LSM6: variants seen among roughly 807,000 people sequenced by gnomAD.
LSM6 encodes the protein U6 snRNA-associated Sm-like protein LSm6.
Under a neutral mutation model 13.5 loss-of-function variants are expected in LSM6, and 2 were observed. The ratio of observed to expected loss-of-function variants is 0.15; its 90% CI spans 0.06 to 0.47. The LOEUF (loss-of-function observed/expected upper bound fraction) is 0.47. Among genes scored for constraint, LSM6 ranks in the 20% least tolerant of loss-of-function variants. The pLI is 0.97. For synonymous variants in LSM6, 43 were observed against 34.9 expected (o/e 1.23, Z -0.82); for missense variants, 58 against 96.4 (o/e 0.60, Z 1.67).
intron 1 of LSM6, among the ~76,000 whole-genome samples, chr4:146,179,816 C>G (rs1730192094): frequency 6.6e-6 from 1 of 152,218 alleles, no homozygotes; most frequent in Non-Finnish European, 1.5e-5. Context: ...CTGCTTAAAA[C>G]CCCTGTTTCC....
At chr4:146,188,075 ATG>A (rs1327479568) in intron 3 of LSM6, among the ~76,000 whole-genome samples, 2 of 152,122 alleles carry the variant, frequency 1.3e-5, no homozygotes, top group Non-Finnish European at 2.9e-5. Context: ...TTAATTCTGG[ATG>A]TCTTCAACCC....
rs959621263 is a variant in LSM6, at chr4:146,191,067, G to A, written c.*1411G>A. 1 of 152,176 alleles carries A rather than the reference G, an allele frequency of 6.6e-6. No homozygotes were observed. The highest frequency in any genetic ancestry group is 2.4e-5 in the African/African-American group (1 of 41,436). 9.4% of individuals were successfully genotyped at this position (152,176 alleles called of 1,614,324 possible). A position where few individuals can be genotyped will look rare whatever the true frequency, so the allele number is the denominator to read the frequency against. On this transcript the variant is annotated 3_prime_UTR_variant, in exon 4 of 4. Transcript: ENST00000296581. The stretch of plus-strand genomic sequence containing the variant: ...AGCATTTCACAGGGTTTTACCGTGT[G>A]CACACTGAAAATAAAACACTTTATG...
At position 146,175,820 on chromosome 4, in the gene LSM6, C is replaced by T. The variant is rs1730090116; in HGVS notation, c.-11+9C>T. On this transcript the variant is annotated intron_variant, in intron 1 of 3. Transcript: ENST00000296581. Reference sequence around the variant, plus strand: ...TGGTTCCCGCCGGCGAGGTGAGCCGCACCGCTGCGCGGGCCGACGACGGGG... The same window carrying T: ...TGGTTCCCGCCGGCGAGGTGAGCCGTACCGCTGCGCGGGCCGACGACGGGG... 6.6e-6 allele frequency: 1 copy of T among 152,202 alleles called. No individual in the cohort carries two copies. The highest frequency in any genetic ancestry group is 1.5e-5 in the Non-Finnish European group (1 of 67,998). The allele number at this position is 152,202 out of a possible 1,614,324, so 9.4% of individuals were successfully genotyped here. A position where few individuals can be genotyped will look rare whatever the true frequency, so the allele number is the denominator to read the frequency against.
intron 1 of LSM6, among the ~76,000 whole-genome samples, chr4:146,180,163 G>T (rs557040366): frequency 1.3e-5 from 2 of 152,316 alleles, no homozygotes; most frequent in Non-Finnish European, 2.9e-5. Flanking sequence ...GATCTGCCAA[G>T]CCTGGGGTAA....
intron 1 of LSM6, among the ~76,000 whole-genome samples, chr4:146,177,305 A>G (rs1730133508): frequency 6.6e-6 from 1 of 152,192 alleles, no homozygotes; most frequent in African/African-American, 2.4e-5. Flanking sequence ...ACTAGAATTT[A>G]AAAATTTGTT....
chr4:146,189,355 A>G (rs1229206547), intron 3 of LSM6, among the ~76,000 whole-genome samples: 5 of 152,186 alleles, frequency 3.3e-5, no homozygotes, highest in Non-Finnish European at 7.4e-5. Flanking sequence ...GGACTTTCAC[A>G]TATATTTTAT....
chr4:146,180,403 G>T (rs1302704330), intron 1 of LSM6, among the ~76,000 whole-genome samples: 2 of 152,194 alleles, frequency 1.3e-5, no homozygotes, highest in Non-Finnish European at 2.9e-5. Context: ...TTGGAATACA[G>T]ATAAAGCATA....
At chr4:146,183,803 C>T (rs552620014) in intron 2 of LSM6, among the ~76,000 whole-genome samples, 11 of 150,256 alleles carry the variant, frequency 7.3e-5, no homozygotes, top group African/African-American at 2.4e-4. Context: ...TACATAGATA[C>T]GTTCTTTAGT....
In LSM6 at chr4:146,190,649, T is replaced by C. The variant is rs979364907; in HGVS notation, c.*993T>C. ...TGGCACAAGGCAGCTCCTCTGGTTA[T>C]GTGACTCCTGCTGAGAGGATTTTCA... On this transcript the variant is annotated 3_prime_UTR_variant, in exon 4 of 4. Transcript: ENST00000296581. The C allele has an allele frequency of 6.6e-6, 1 of 152,274 alleles. No individual in the cohort carries two copies. Among genetic ancestry groups the C allele is most frequent in the African/African-American group, 2.4e-5 (1 of 41,468 alleles). 9.4% of individuals were successfully genotyped at this position (152,274 alleles called of 1,614,324 possible). A position where few individuals can be genotyped will look rare whatever the true frequency, so the allele number is the denominator to read the frequency against.
chr4:146,179,411 A>G (rs997103454), intron 1 of LSM6, among the ~76,000 whole-genome samples: 1 of 152,230 alleles, frequency 6.6e-6, no homozygotes, highest in African/African-American at 2.4e-5. Context: ...ACTCATACAA[A>G]ATGGATTTAT....
chr4:146,185,269 T>C (rs569835018), intron 2 of LSM6, among the ~76,000 whole-genome samples: 3 of 152,186 alleles, frequency 2.0e-5, no homozygotes, highest in African/African-American at 7.2e-5. Context: ...CTTTTTTTCA[T>C]CTTTTCCAAT....
chr4:146,185,662 C>CTTGT lies in LSM6; in HGVS notation c.95-1593_95-1590dup, dbSNP rs140691955. 4.0e-3 allele frequency among the ~76,000 whole-genome samples: 599 copies of CTTGT among 151,074 alleles called. 6 individuals carry two copies. The highest frequency in any genetic ancestry group is 0.013 in the African/African-American group (543 of 41,186). On this transcript the variant is annotated intron_variant, in intron 2 of 3. Coordinates refer to ENST00000296581, the MANE Select transcript of LSM6 (RefSeq NM_007080.3). ...GGCAGTTTTTTTGTTGTTGTTGTTG[C>CTTGT]TTGTTTGTTTGTTTGTTTGTTTTTG... is the stretch of plus-strand genomic sequence containing the variant.
chr4:146,186,945 A>G (rs1269283313), intron 2 of LSM6, among the ~76,000 whole-genome samples: 2 of 152,218 alleles, frequency 1.3e-5, no homozygotes. Context: ...CTTAGCTTTC[A>G]AAGAATGGTA....
chr4:146,187,514 T>C, intron 3 of LSM6, 127 bp downstream of exon 3: 1 of 583,710 alleles, frequency 1.7e-6, no homozygotes, highest in Non-Finnish European at 3.0e-6. Flanking sequence ...AAAATGCTTA[T>C]ATGTCAGATC....
In LSM6 at chr4:146,179,108, T is replaced by TGACTTAATA. The variant is rs561236407; in HGVS notation, c.-11+3299_-11+3307dup. Among the ~76,000 whole-genome samples the TGACTTAATA allele has an allele frequency of 4.6e-5, 7 of 152,384 alleles. No individual in the cohort carries two copies. In the East Asian group the frequency reaches 1.3e-3, roughly 29 times the overall value. On this transcript the variant is annotated intron_variant, in intron 1 of 3. Transcript: ENST00000296581. ...CTTCTGACAGAAAATATACTGCCTTTGACTTAATAGTCATTTATGAAAATA... is the reference window on the plus strand; with the variant it reads ...CTTCTGACAGAAAATATACTGCCTTTGACTTAATAGACTTAATAGTCATTTATGAAAATA...
intron 2 of LSM6, among the ~76,000 whole-genome samples, chr4:146,186,040 A>G (rs1212986887): frequency 6.6e-6 from 1 of 152,202 alleles, no homozygotes; most frequent in Non-Finnish European, 1.5e-5. Context: ...CCCAGCCTGG[A>G]CATTTCATTT....
In LSM6 at chr4:146,190,754, C is replaced by G. The variant is rs1480304038; in HGVS notation, c.*1098C>G. 3 of 152,238 alleles carry G rather than the reference C, an allele frequency of 2.0e-5. No individual in the cohort carries two copies. Among genetic ancestry groups the G allele is most frequent in the Non-Finnish European group, 4.4e-5 (3 of 68,064 alleles). 9.4% of individuals were successfully genotyped at this position (152,238 alleles called of 1,614,324 possible). ...CTGTCTCTAGGAACAACAAATATAT[C>G]TGGGCACTGTGGTTGAATGAATACC... On this transcript the variant is annotated 3_prime_UTR_variant, in exon 4 of 4. Transcript: ENST00000296581.
At chr4:146,188,309 T>A (rs1313768898) in intron 3 of LSM6, among the ~76,000 whole-genome samples, 4 of 152,138 alleles carry the variant, frequency 2.6e-5, no homozygotes, top group East Asian at 3.8e-4. Context: ...TTGTCTCACC[T>A]CAAGACAGCT....
chr4:146,183,901 C>G (rs1243331801), intron 2 of LSM6, among the ~76,000 whole-genome samples: 1 of 136,948 alleles, frequency 7.3e-6, no homozygotes, highest in Non-Finnish European at 1.5e-5. Context: ...GAGACGGAGT[C>G]TCGCTCTGTC....
Sources: allele counts gnomAD v4.1 joint callset (sites outside exome capture counted in the v4.1 genomes callset), GRCh38; gene constraint gnomAD v4.1.1; transcripts MANE v1.5; gene names NCBI Gene and HGNC (gene_info 2026-07-23, HGNC 2026-07-21).